The following FAM200B variants were observed in gnomAD, a reference collection of about 807,000 sequenced individuals.
FAM200B encodes the protein protein FAM200B.
In FAM200B, 32 loss-of-function variants were observed where a neutral mutation model predicts 33.1. The ratio of observed to expected loss-of-function variants is 0.97; its 90% CI spans 0.73 to 1.30. The LOEUF is 1.30. FAM200B is among the 50% of genes most tolerant of loss of function. The pLI is 0.00. For missense variants in FAM200B, 741 were observed against 754.0 expected, an observed-to-expected ratio of 0.98 and a Z score of 0.20; for synonymous variants, 240 against 264.8, an observed-to-expected ratio of 0.91 and a Z score of 0.91.
At chr4:15,645,923 T>C in the FAM200B span, among the ~76,000 whole-genome samples, 1 of 152,224 alleles carries the variant, frequency 6.6e-6, no homozygotes, top group Admixed American at 6.5e-5. Context: ...GGCACTGTTC[T>C]TTGGTACCTG....
upstream of FAM200B, among the ~76,000 whole-genome samples, chr4:15,676,936 T>C (rs1718015151): frequency 6.6e-6 from 1 of 152,178 alleles, no homozygotes; most frequent in Non-Finnish European, 1.5e-5. Flanking sequence ...TAGTCACGAA[T>C]GGCCCAATAC....
chr4:15,640,956 A>G, the FAM200B span: 1 of 768,248 alleles, frequency 1.3e-6, no homozygotes, highest in Non-Finnish European at 2.0e-6. Flanking sequence ...CAGGAAGTTT[A>G]AAATGTGACA....
Position 15,687,857 on chromosome 4 carries a change from A to T in FAM200B, c.880A>T (p.Ile294Phe), listed in dbSNP as rs1474671784. Residue 294 changes from isoleucine (I) to phenylalanine (F), a missense_variant, in exon 2 of 2, where the codon ATT becomes TTT. Transcript: ENST00000422728. ...YKLNWKNCKG[I>F]TSDGTATMTG... ...ATTAAACTGGAAAAACTGTAAAGGAATTACAAGTGATGGCACAGCAACCAT... is the reference window on the plus strand; with the variant it reads ...ATTAAACTGGAAAAACTGTAAAGGATTTACAAGTGATGGCACAGCAACCAT... The T allele has an allele frequency of 1.5e-5, 23 of 1,551,220 alleles. No homozygotes were observed. Among genetic ancestry groups the T allele is most frequent in the Non-Finnish European group, 1.9e-5 (22 of 1,146,770 alleles).
chr4:15,658,939 G>C, the FAM200B span, among the ~76,000 whole-genome samples: 1 of 152,152 alleles, frequency 6.6e-6, no homozygotes, highest in Non-Finnish European at 1.5e-5. Context: ...AGGAGCTTGA[G>C]ATATAAAGTT....
At chr4:15,644,420 G>T in the FAM200B span, 2 of 1,190,714 alleles carry the variant, frequency 1.7e-6, no homozygotes, top group Non-Finnish European at 1.2e-6. Flanking sequence ...ATAAAACAGT[G>T]ACAAGTTTTG....
At chr4:15,651,746 C>T in the FAM200B span, among the ~76,000 whole-genome samples, 164 of 152,234 alleles carry the variant, frequency 1.1e-3, no homozygotes, top group African/African-American at 3.7e-3. Flanking sequence ...TAAAAGTAAA[C>T]AGCACTTTTA....
the FAM200B span, among the ~76,000 whole-genome samples, chr4:15,662,139 T>TG: frequency 6.6e-6 from 1 of 150,414 alleles, no homozygotes; most frequent in East Asian, 1.9e-4. Flanking sequence ...CAGTACAGTG[T>TG]GGGAGGGGAT....
chr4:15,671,203 C>T, the FAM200B span, among the ~76,000 whole-genome samples: 10 of 151,844 alleles, frequency 6.6e-5, no homozygotes, highest in African/African-American at 2.2e-4. Flanking sequence ...GGATTACAGG[C>T]GTGAGTCACT....
At chr4:15,669,453 G>A in the FAM200B span, among the ~76,000 whole-genome samples, 1 of 152,124 alleles carries the variant, frequency 6.6e-6, no homozygotes, top group East Asian at 1.9e-4. Flanking sequence ...TTCAGGAATA[G>A]AATATCTATT....
At chr4:15,662,046 A>G in the FAM200B span, among the ~76,000 whole-genome samples, 1 of 152,234 alleles carries the variant, frequency 6.6e-6, no homozygotes. Flanking sequence ...TTCAAACCCA[A>G]AATAAGTCAG....
At chr4:15,640,885 T>G in the FAM200B span, 3 of 1,426,226 alleles carry the variant, frequency 2.1e-6, no homozygotes, top group Non-Finnish European at 2.8e-6. Flanking sequence ...ATATTCATTC[T>G]GGAAACCAAA....
chr4:15,679,608 C>A (rs923931443), upstream of FAM200B, among the ~76,000 whole-genome samples: 1 of 151,050 alleles, frequency 6.6e-6, no homozygotes, highest in Non-Finnish European at 1.5e-5. Context: ...ACCCAATGGT[C>A]CCAATTCAAT....
At chr4:15,637,409 A>G in the FAM200B span, among the ~76,000 whole-genome samples, 3 of 152,348 alleles carry the variant, frequency 2.0e-5, no homozygotes, top group Admixed American at 6.5e-5. Flanking sequence ...AATAAAAAAT[A>G]TAAAAGATTC....
At chr4:15,685,914 C>A (rs776182849) in intron 1 of FAM200B, among the ~76,000 whole-genome samples, 3 of 152,092 alleles carry the variant, frequency 2.0e-5, no homozygotes, top group African/African-American at 7.2e-5. Flanking sequence ...AAGATAGGTG[C>A]GGCCAAGCAA....
chr4:15,674,162 T>G, the FAM200B span, among the ~76,000 whole-genome samples: 1 of 151,662 alleles, frequency 6.6e-6, no homozygotes, highest in Non-Finnish European at 1.5e-5. Flanking sequence ...CTTACTTCTC[T>G]GGAAATACTA....
Position 15,687,489 on chromosome 4 carries a change from T to C in FAM200B, c.512T>C (p.Ile171Thr), listed in dbSNP as rs1162011059. 6 of 1,551,040 alleles carry C rather than the reference T, an allele frequency of 3.9e-6. No homozygotes were observed. The highest frequency in any genetic ancestry group is 5.2e-6 in the Non-Finnish European group (6 of 1,146,784). ...KIANTAAEKI[I>T]LPACLDMVRT... ...GCTAACACAGCTGCTGAAAAAATTA[T>C]TCTTCCAGCATGTTTGGATATGGTG... Residue 171 changes from isoleucine to threonine, a missense_variant, in exon 2 of 2, where the codon ATT becomes ACT. Ile to Thr is a moderately conservative substitution (Grantham distance 89). Coordinates refer to ENST00000422728, the MANE Select transcript of FAM200B (RefSeq NM_001145191.2).
At chr4:15,658,466 T>A in the FAM200B span, among the ~76,000 whole-genome samples, 36 of 152,230 alleles carry the variant, frequency 2.4e-4, no homozygotes, top group Non-Finnish European at 3.1e-4. Flanking sequence ...TCTGCCCTCA[T>A]GAATGGCTTA....
At chr4:15,653,861 G>A in the FAM200B span, among the ~76,000 whole-genome samples, 1 of 152,298 alleles carries the variant, frequency 6.6e-6, no homozygotes, top group East Asian at 1.9e-4. Flanking sequence ...ATTTATACCT[G>A]ATGTCTGGGT....
chr4:15,671,383 AT>A, the FAM200B span, among the ~76,000 whole-genome samples: 7 of 152,182 alleles, frequency 4.6e-5, no homozygotes, highest in African/African-American at 1.7e-4. Context: ...CCCCTAGTCC[AT>A]TTAAGATTTT....
Sources: allele counts gnomAD v4.1 joint callset (sites outside exome capture counted in the v4.1 genomes callset), GRCh38; gene constraint gnomAD v4.1.1; transcripts MANE v1.5; gene names NCBI Gene and HGNC (gene_info 2026-07-23, HGNC 2026-07-21).